The following CDH23 variants were observed in gnomAD, a reference collection of about 807,000 sequenced individuals.
CDH23 encodes the protein cadherin-23.
Under a neutral mutation model 317.1 loss-of-function variants are expected in CDH23, and 189 were observed. The observed-to-expected ratio is 0.60, with a 90% CI of 0.53 to 0.67. CDH23 has a LOEUF of 0.67. CDH23 is among the 30% of genes least tolerant of loss of function. The pLI is 0.00. For synonymous variants in CDH23, 1,839 were observed against 1,876.8 expected, an observed-to-expected ratio of 0.98 and a Z score of 0.52; for missense variants, 4,401 against 4,592.4, an observed-to-expected ratio of 0.96 and a Z score of 1.20.
chr10:71,432,541 AGT>A (rs376695740), intron 1 of CDH23, among the ~76,000 whole-genome samples: 32 of 151,028 alleles, frequency 2.1e-4, no homozygotes, highest in East Asian at 3.9e-4. Context: ...TGTGTGAGAG[AGT>A]GTGTGTGTGT....
intron 3 of CDH23, among the ~76,000 whole-genome samples, chr10:71,468,389 CCTA>C (rs1251016767): frequency 6.6e-6 from 1 of 152,242 alleles, no homozygotes. Context: ...TTCAGTAGCT[CCTA>C]CTGCCCACAC....
At chr10:71,442,424 T>C (rs1023434635) in intron 2 of CDH23, among the ~76,000 whole-genome samples, 1 of 152,072 alleles carries the variant, frequency 6.6e-6, no homozygotes, top group African/African-American at 2.4e-5. Context: ...ACCTAGCCCT[T>C]CACTTGTGCC....
intron 9 of CDH23, among the ~76,000 whole-genome samples, chr10:71,578,571 C>T (rs190747826): frequency 1.1e-4 from 16 of 152,250 alleles, no homozygotes; most frequent in East Asian, 9.7e-4. Context: ...GAGATGGTTC[C>T]GGGTGATGGG....
rs142561452 is a variant in CDH23, at chr10:71,544,580, G to A, written c.430-22162G>A. Among the ~76,000 whole-genome samples, 296 of 152,312 alleles carry A rather than the reference G, an allele frequency of 1.9e-3. 3 individuals carry two copies. Among genetic ancestry groups the A allele is most frequent in the African/African-American group, 6.7e-3 (278 of 41,554 alleles). On this transcript the variant is annotated intron_variant, in intron 6 of 69. Transcript: ENST00000224721. ...TGGGAATGCTGGCAGAGGGTTAACCGGTTAGTGACCGGGATGGAAAAGAGG... is the reference window on the plus strand; with the variant it reads ...TGGGAATGCTGGCAGAGGGTTAACCAGTTAGTGACCGGGATGGAAAAGAGG...
At chr10:71,512,435 G>A (rs1003640357) in intron 6 of CDH23, 1 of 152,268 alleles carries the variant, frequency 6.6e-6, no homozygotes, top group African/African-American at 2.4e-5. Context: ...TGTGCCCAGG[G>A]ACTGCAGCTT....
intron 14 of CDH23, among the ~76,000 whole-genome samples, chr10:71,661,077 TA>T (rs984608962): frequency 6.6e-6 from 1 of 152,172 alleles, no homozygotes; most frequent in Non-Finnish European, 1.5e-5. Context: ...GAAAGGGGCA[TA>T]ACGGAGGCAC....
chr10:71,684,159 C>A (rs1277372486), intron 18 of CDH23, among the ~76,000 whole-genome samples: 2 of 151,988 alleles, frequency 1.3e-5, no homozygotes, highest in Non-Finnish European at 2.9e-5. Context: ...CTAGAAACAC[C>A]GAGGGTAGGG....
At chr10:71,631,236 C>G (rs1018226046) in intron 11 of CDH23, among the ~76,000 whole-genome samples, 2 of 152,106 alleles carry the variant, frequency 1.3e-5, no homozygotes, top group Non-Finnish European at 2.9e-5. Flanking sequence ...GAGCAAGACC[C>G]CAACTCTACC....
chr10:71,417,112 G>T (rs193252251), intron 1 of CDH23, among the ~76,000 whole-genome samples: 39 of 142,896 alleles, frequency 2.7e-4, no homozygotes, highest in Admixed American at 2.6e-3. Context: ...GTCTGGCTCT[G>T]TCACCCAGGC....
intron 9 of CDH23, among the ~76,000 whole-genome samples, chr10:71,590,887 C>G (rs2394830): frequency 2.2e-5 from 2 of 92,746 alleles, no homozygotes; most frequent in African/African-American, 1.2e-4. Flanking sequence ...AAAAAAAAAA[C>G]AAAAAAAAAC....
rs1862828805 is a variant in CDH23, at chr10:71,645,949, A to T, written c.1259A>T (p.Asp420Val). The change falls in exon 13 of 70, where the codon GAC (aspartate) becomes GTC (valine). Residue 420 changes from aspartate to valine, a missense_variant. By Grantham distance (152) the Asp-to-Val change is radical. Transcript: ENST00000224721. ...CGTATTCGGGTGGCCATCCCACTGGACTACGAGACCGTGGACCGCTACGAC... is the reference window on the plus strand; with the variant it reads ...CGTATTCGGGTGGCCATCCCACTGGTCTACGAGACCGTGGACCGCTACGAC... ...DIRIRVAIPL[D>V]YETVDRYDFD... The T allele has an allele frequency of 1.2e-6, 2 of 1,613,416 alleles. No homozygotes were observed. Among genetic ancestry groups the T allele is most frequent in the Admixed American group, 3.3e-5 (2 of 59,866 alleles).
intron 6 of CDH23, among the ~76,000 whole-genome samples, chr10:71,561,743 C>G (rs55958798): frequency 0.053 from 7,997 of 152,148 alleles, 462 homozygotes; most frequent in African/African-American, 0.14. Context: ...GGGATAATGC[C>G]TAGACATGCT....
At chr10:71,810,861 A>C (rs1841894588) in intron 62 of CDH23, among the ~76,000 whole-genome samples, 1 of 152,142 alleles carries the variant, frequency 6.6e-6, no homozygotes, top group Non-Finnish European at 1.5e-5. Flanking sequence ...CAGGTGGATC[A>C]CCTGAGGTCA....
intron 14 of CDH23, among the ~76,000 whole-genome samples, chr10:71,650,829 A>C (rs1314017415): frequency 6.6e-6 from 1 of 152,022 alleles, no homozygotes; most frequent in East Asian, 1.9e-4. Flanking sequence ...TTATCCTGGG[A>C]CCCTGCTAGG....
intron 14 of CDH23, chr10:71,647,526 A>G (rs1217113978): frequency 6.6e-6 from 1 of 151,614 alleles, no homozygotes; most frequent in Non-Finnish European, 1.5e-5. Context: ...TTGAGCAGGG[A>G]TCTGTCTTCA....
At chr10:71,729,895 C>T (rs866455033) in intron 30 of CDH23, among the ~76,000 whole-genome samples, 2 of 151,364 alleles carry the variant, frequency 1.3e-5, no homozygotes, top group Non-Finnish European at 2.9e-5. Context: ...AGTGCAGTGG[C>T]GCGATCTTGG....
At chr10:71,781,982 C>T (rs1404711979) in intron 41 of CDH23, among the ~76,000 whole-genome samples, 1 of 152,192 alleles carries the variant, frequency 6.6e-6, no homozygotes, top group East Asian at 1.9e-4. Context: ...GCCAGCACCG[C>T]TGTCTGGAGA....
At position 71,807,661 on chromosome 10, in the gene CDH23, C is replaced by G; in HGVS notation, c.8454C>G (p.Ser2818=). 6.2e-7 allele frequency: 1 copy of G among 1,613,986 alleles called. No homozygotes were observed. Among genetic ancestry groups the G allele is most frequent in the Non-Finnish European group, 8.5e-7 (1 of 1,179,868 alleles). The change falls in exon 59 of 70, where the codon TCC becomes TCG. Residue 2818 remains serine, a synonymous_variant. Coordinates refer to ENST00000224721, the MANE Select transcript of CDH23 (RefSeq NM_022124.6). Reference sequence around the variant, plus strand: ...GCTGGACACCTCCCCGTGGACCCTCCCCAACCCTCGACCTGGTTGCTGACC... The same window carrying G: ...GCTGGACACCTCCCCGTGGACCCTCGCCAACCCTCGACCTGGTTGCTGACC... ...NRSWTPPRGP[S]PTLDLVADLT... is the part of the protein sequence containing the mutation.
chr10:71,590,784 T>G (rs1859413054), intron 9 of CDH23, among the ~76,000 whole-genome samples: 1 of 149,666 alleles, frequency 6.7e-6, no homozygotes, highest in African/African-American at 2.5e-5. Flanking sequence ...GAGAATCACT[T>G]GAGCCCAGGG....
Sources: gnomAD v4.1 joint callset for allele counts (sites outside exome capture counted in the v4.1 genomes callset) on GRCh38, gnomAD v4.1.1 for gene constraint, MANE v1.5 for transcripts, NCBI Gene and HGNC (gene_info 2026-07-23, HGNC 2026-07-21) for gene names.